PRELID2: variants seen among roughly 807,000 people sequenced by gnomAD.
The protein encoded by PRELID2 is PRELI domain-containing protein 2.
Under a neutral mutation model 28.4 loss-of-function variants are expected in PRELID2, and 25 were observed. That is an observed-to-expected ratio of 0.88 (90% CI 0.64 to 1.23). The LOEUF (loss-of-function observed/expected upper bound fraction) is 1.23. Among genes scored for constraint, PRELID2 ranks in the 50% most tolerant of loss-of-function variants. The pLI is 0.00. For synonymous variants in PRELID2, 76 were observed against 71.6 expected (o/e 1.06, Z -0.31); for missense variants, 201 against 214.4 (o/e 0.94, Z 0.39).
chr5:145,643,458 A>T (rs927832405), intron 1 of PRELID2, among the ~76,000 whole-genome samples: 1 of 152,218 alleles, frequency 6.6e-6, no homozygotes, highest in African/African-American at 2.4e-5. Flanking sequence ...TCATCTGCAA[A>T]CATAGATAAT....
chr5:145,650,531 CATATATAT>C (rs56324486), intron 1 of PRELID2, among the ~76,000 whole-genome samples: 4,634 of 68,542 alleles, frequency 0.068, 87 homozygotes, highest in South Asian at 0.12. Context: ...CACATATATA[CATATATAT>C]ATATATATAT....
At chr5:145,299,909 T>A in the PRELID2 span, among the ~76,000 whole-genome samples, 1 of 152,106 alleles carries the variant, frequency 6.6e-6, no homozygotes, top group East Asian at 1.9e-4. Context: ...ACAGGATAGA[T>A]ACATGATTCT....
the PRELID2 span, among the ~76,000 whole-genome samples, chr5:145,262,983 A>G: frequency 1.3e-5 from 2 of 152,182 alleles, no homozygotes; most frequent in Non-Finnish European, 2.9e-5. Flanking sequence ...CTTAAGGATA[A>G]GGGGTGGAAA....
At chr5:145,361,349 C>T in the PRELID2 span, among the ~76,000 whole-genome samples, 2 of 152,086 alleles carry the variant, frequency 1.3e-5, no homozygotes, top group Non-Finnish European at 2.9e-5. Context: ...GGCTGAAGAC[C>T]GAGTGGCAGA....
intron 1 of PRELID2, among the ~76,000 whole-genome samples, chr5:145,710,276 T>C (rs536027492): frequency 6.6e-6 from 1 of 152,310 alleles, no homozygotes; most frequent in African/African-American, 2.4e-5. Context: ...ACTACTTATG[T>C]TTCTATAAGA....
chr5:145,426,183 G>T, the PRELID2 span, among the ~76,000 whole-genome samples: 1 of 152,150 alleles, frequency 6.6e-6, no homozygotes, highest in Non-Finnish European at 1.5e-5. Context: ...TGCCTGCAGG[G>T]TTTTTGCTGC....
At chr5:145,473,694 C>T (rs1752075192) in intron 1 of PRELID2, among the ~76,000 whole-genome samples, 1 of 152,122 alleles carries the variant, frequency 6.6e-6, no homozygotes, top group South Asian at 2.1e-4. Flanking sequence ...GAATGGCATT[C>T]AGTGCCACGG....
intron 5 of PRELID2, among the ~76,000 whole-genome samples, chr5:145,776,744 T>C (rs1299101259): frequency 2.0e-5 from 3 of 152,340 alleles, no homozygotes; most frequent in South Asian, 2.1e-4. Flanking sequence ...ATAATGTTGA[T>C]ACTTCTTAAA....
chr5:145,466,477 A>C, the PRELID2 span, among the ~76,000 whole-genome samples: 1 of 152,296 alleles, frequency 6.6e-6, no homozygotes, highest in South Asian at 2.1e-4. Flanking sequence ...TATATATTAC[A>C]TGATATATAA....
At chr5:145,230,207 C>G in the PRELID2 span, among the ~76,000 whole-genome samples, 6 of 152,208 alleles carry the variant, frequency 3.9e-5, 1 homozygote, top group African/African-American at 1.4e-4. Flanking sequence ...GTGGTCCCCC[C>G]AAAGCCTGTA....
chr5:145,792,291 C>T (rs78056990), intron 5 of PRELID2, among the ~76,000 whole-genome samples: 2,986 of 152,260 alleles, frequency 0.02, 118 homozygotes, highest in African/African-American at 0.067. Flanking sequence ...CTTGGGACCT[C>T]AGTTTCCCTA....
chr5:145,587,236 G>A (rs942397605), intron 1 of PRELID2, among the ~76,000 whole-genome samples: 2 of 152,188 alleles, frequency 1.3e-5, no homozygotes, highest in East Asian at 3.8e-4. Context: ...ATGCCATGGA[G>A]TTGGGAAAAA....
At chr5:145,380,590 T>C in the PRELID2 span, among the ~76,000 whole-genome samples, 2 of 152,244 alleles carry the variant, frequency 1.3e-5, no homozygotes, top group Non-Finnish European at 2.9e-5. Context: ...GTAAGTATGT[T>C]TTATTACATT....
intron 1 of PRELID2, among the ~76,000 whole-genome samples, chr5:145,592,572 TA>T (rs1260906369): frequency 1.3e-5 from 2 of 152,104 alleles, no homozygotes; most frequent in Non-Finnish European, 2.9e-5. Context: ...ACTCTACATC[TA>T]AAAAAGAGGA....
chr5:145,422,494 T>C, the PRELID2 span, among the ~76,000 whole-genome samples: 1 of 152,220 alleles, frequency 6.6e-6, no homozygotes, highest in Non-Finnish European at 1.5e-5. Flanking sequence ...GTAATGGCCT[T>C]CTTTTTCTCT....
the PRELID2 span, among the ~76,000 whole-genome samples, chr5:145,373,941 TATATG>T: frequency 7.0e-6 from 1 of 142,102 alleles, no homozygotes; most frequent in African/African-American, 2.6e-5. Context: ...TAACATAATA[TATATG>T]ATATTATATG....
chr5:145,710,350 G>T (rs1755660240), intron 1 of PRELID2, among the ~76,000 whole-genome samples: 2 of 152,166 alleles, frequency 1.3e-5, no homozygotes, highest in Non-Finnish European at 2.9e-5. Flanking sequence ...TTTCCCAAGT[G>T]CTATCTAAAG....
intron 1 of PRELID2, among the ~76,000 whole-genome samples, chr5:145,647,230 G>A (rs1754213475): frequency 6.6e-6 from 1 of 152,158 alleles, no homozygotes; most frequent in African/African-American, 2.4e-5. Flanking sequence ...GAGAAATCTA[G>A]GGAGGCAGTC....
intron 4 of PRELID2, among the ~76,000 whole-genome samples, chr5:145,798,566 G>C (rs1752916580): frequency 6.6e-6 from 1 of 152,110 alleles, no homozygotes; most frequent in Admixed American, 6.6e-5. Context: ...ATAAAGACAT[G>C]TGCACACATA....
Sources: gnomAD v4.1 joint callset for allele counts (sites outside exome capture counted in the v4.1 genomes callset) on GRCh38, gnomAD v4.1.1 for gene constraint, MANE v1.5 for transcripts, NCBI Gene and HGNC (gene_info 2026-07-23, HGNC 2026-07-21) for gene names.